The following GNG7 variants were observed in gnomAD, a reference collection of about 807,000 sequenced individuals.
GNG7 encodes G protein subunit gamma 7.
In GNG7, 1 loss-of-function variant was observed where a neutral mutation model predicts 4.0. That is an observed-to-expected ratio of 0.25 (90% CI 0.09 to 1.18). The LOEUF (loss-of-function observed/expected upper bound fraction) is 1.18, where lower values mean the gene tolerates loss of function less well. GNG7 is among the 50% of genes most tolerant of loss of function. The pLI, the probability that GNG7 is intolerant of heterozygous loss-of-function variation, is 0.50. For synonymous variants in GNG7, 34 were observed against 36.9 expected, an observed-to-expected ratio of 0.92 and a Z score of 0.29; for missense variants, 86 against 91.9, an observed-to-expected ratio of 0.94 and a Z score of 0.26.
intron 1 of GNG7, among the ~76,000 whole-genome samples, chr19:2,671,122 G>C (rs751499939): frequency 6.6e-6 from 1 of 151,520 alleles, no homozygotes; most frequent in Non-Finnish European, 1.5e-5. Context: ...GGTCACCCTG[G>C]GCACGGCAGG....
At chr19:2,615,923 C>T (rs554564362) in intron 2 of GNG7, among the ~76,000 whole-genome samples, 17 of 152,322 alleles carry the variant, frequency 1.1e-4, no homozygotes, top group African/African-American at 3.6e-4. Flanking sequence ...TGAAGGGCCT[C>T]GGCAAAGGGG....
chr19:2,578,963 G>C (rs1980421122), intron 2 of GNG7, among the ~76,000 whole-genome samples: 1 of 152,260 alleles, frequency 6.6e-6, no homozygotes, highest in Non-Finnish European at 1.5e-5. Context: ...CACCAGCGTG[G>C]CCCGGCGCCA....
At chr19:2,643,794 A>G in intron 2 of GNG7, 1 of 375,244 alleles carries the variant, frequency 2.7e-6, no homozygotes, top group East Asian at 7.2e-5. Flanking sequence ...TCATTTCTAC[A>G]GCTATGCAAC....
intron 4 of GNG7, among the ~76,000 whole-genome samples, chr19:2,517,242 A>G (rs1405795857): frequency 2.0e-5 from 3 of 152,040 alleles, no homozygotes; most frequent in Non-Finnish European, 2.9e-5. Flanking sequence ...CAGTGGTGCT[A>G]TCATAGCTCA....
At position 2,512,567 on chromosome 19, in the gene GNG7, C is replaced by G. The variant is rs2144719424; in HGVS notation, c.*2455G>C. 1.1e-5 allele frequency: 2 copies of G among 179,632 alleles called. No individual in the cohort carries two copies. Among genetic ancestry groups the G allele is most frequent in the South Asian group, 3.7e-4 (2 of 5,334 alleles). 11.1% of individuals were successfully genotyped at this position (179,632 alleles called of 1,614,324 possible). On this transcript the variant is annotated 3_prime_UTR_variant, in exon 5 of 5. Transcript: ENST00000382159. The surrounding 1 kb of genome is among the most constrained non-coding windows in gnomAD (Gnocchi z 4.7). Reference sequence around the variant, plus strand: ...GGAACGCTCAGCCCGTTTAACCCCACCATCTGCACCAGCCTAGGAGCCCCG... The same window carrying G: ...GGAACGCTCAGCCCGTTTAACCCCAGCATCTGCACCAGCCTAGGAGCCCCG...
intron 1 of GNG7, among the ~76,000 whole-genome samples, chr19:2,679,107 G>T (rs1460552152): frequency 2.0e-5 from 3 of 152,138 alleles, no homozygotes; most frequent in Admixed American, 2.0e-4. Flanking sequence ...GAATGCAGTG[G>T]TGCAATCATA....
At chr19:2,566,974 G>A (rs2144775315) in intron 2 of GNG7, among the ~76,000 whole-genome samples, 1 of 151,924 alleles carries the variant, frequency 6.6e-6, no homozygotes, top group Middle Eastern at 3.4e-3. Flanking sequence ...GCGCGGTGGC[G>A]GGCGTCTGTA....
chr19:2,645,232 T>C (rs11669738), intron 2 of GNG7, among the ~76,000 whole-genome samples: 26,254 of 121,322 alleles, frequency 0.22, 2,540 homozygotes, highest in African/African-American at 0.31. Flanking sequence ...TTCTTTTCTC[T>C]CTCTCTCTCT....
intron 3 of GNG7, among the ~76,000 whole-genome samples, chr19:2,539,780 T>C (rs914655375): frequency 7.2e-5 from 11 of 152,258 alleles, no homozygotes; most frequent in African/African-American, 2.4e-4. Flanking sequence ...GCCTTGCTCA[T>C]CCAGTGGCCT....
chr19:2,553,875 T>C (rs1032324486), intron 3 of GNG7, among the ~76,000 whole-genome samples: 4 of 148,424 alleles, frequency 2.7e-5, no homozygotes, highest in African/African-American at 7.4e-5. Flanking sequence ...TAACATTGCA[T>C]ACATGTACAT....
chr19:2,556,183 C>G (rs926703864), intron 2 of GNG7, among the ~76,000 whole-genome samples: 10 of 152,242 alleles, frequency 6.6e-5, no homozygotes, highest in African/African-American at 2.4e-4. Flanking sequence ...CTGTGTCTCC[C>G]GGTTAGGCCA....
chr19:2,629,685 G>A (rs1982108566), intron 2 of GNG7, among the ~76,000 whole-genome samples: 1 of 152,182 alleles, frequency 6.6e-6, no homozygotes, highest in African/African-American at 2.4e-5. Flanking sequence ...ATTGGAACCT[G>A]GCACCCACAT....
intron 1 of GNG7, among the ~76,000 whole-genome samples, chr19:2,663,355 C>T (rs1349080587): frequency 6.6e-6 from 1 of 150,744 alleles, no homozygotes; most frequent in African/African-American, 2.5e-5. Flanking sequence ...TCCCCCCCCT[C>T]CTCTTTCTTC....
chr19:2,549,124 G>A (rs751190938), intron 3 of GNG7, among the ~76,000 whole-genome samples: 19 of 152,124 alleles, frequency 1.2e-4, no homozygotes, highest in Non-Finnish European at 2.4e-4. Context: ...CAGGACCCCC[G>A]GAGAGAACCC....
intron 2 of GNG7, among the ~76,000 whole-genome samples, chr19:2,559,581 G>C (rs1241960965): frequency 6.6e-6 from 1 of 151,670 alleles, no homozygotes; most frequent in Non-Finnish European, 1.5e-5. Context: ...AATGGTGGAT[G>C]TCGGCTCACT....
chr19:2,565,709 G>A (rs777188283), intron 2 of GNG7, among the ~76,000 whole-genome samples: 4 of 152,132 alleles, frequency 2.6e-5, no homozygotes, highest in Non-Finnish European at 4.4e-5. Context: ...GGGGTGTGCC[G>A]GGCACAGGGC....
At chr19:2,650,432 G>C (rs554583434) in intron 1 of GNG7, among the ~76,000 whole-genome samples, 1 of 151,914 alleles carries the variant, frequency 6.6e-6, no homozygotes, top group African/African-American at 2.4e-5. Context: ...CAGGTGATCC[G>C]CCAGCCTTGG....
chr19:2,553,613 CTACA>C (rs1979420015), intron 3 of GNG7, among the ~76,000 whole-genome samples: 1 of 106,690 alleles, frequency 9.4e-6, no homozygotes, highest in Non-Finnish European at 2.1e-5. Flanking sequence ...ATATATCATA[CTACA>C]TACATGCACA....
chr19:2,519,248 T>C (rs1978296125), intron 4 of GNG7, among the ~76,000 whole-genome samples: 2 of 150,630 alleles, frequency 1.3e-5, no homozygotes, highest in African/African-American at 4.9e-5. Flanking sequence ...CCTCCCAGGT[T>C]CAAGTGATTC....
Sources: gnomAD v4.1 joint callset for allele counts (sites outside exome capture counted in the v4.1 genomes callset) on GRCh38, gnomAD v4.1.1 for gene constraint, Gnocchi (gnomAD v3.1) non-coding constraint, MANE v1.5 for transcripts, NCBI Gene and HGNC (gene_info 2026-07-23, HGNC 2026-07-21) for gene names.